The following PCDHGA1 variants were observed in gnomAD, a reference collection of about 807,000 sequenced individuals.
PCDHGA1 encodes protocadherin gamma-A1.
PCDHGA1 carries 32 observed loss-of-function variants against 58.0 expected under a neutral mutation model. The ratio of observed to expected loss-of-function variants is 0.55; its 90% CI spans 0.42 to 0.74. The LOEUF is 0.74. Among genes scored for constraint, PCDHGA1 ranks in the 30% least tolerant of loss-of-function variants. PCDHGA1 has a pLI of 0.00. For synonymous variants in PCDHGA1, 498 were observed against 501.1 expected, an observed-to-expected ratio of 0.99 and a Z score of 0.08; for missense variants, 1,205 against 1,182.3, an observed-to-expected ratio of 1.02 and a Z score of -0.28.
intron 1 of PCDHGA1, among the ~76,000 whole-genome samples, chr5:141,335,305 C>T (rs1335971340): frequency 6.6e-6 from 1 of 151,990 alleles, no homozygotes; most frequent in African/African-American, 2.4e-5. Flanking sequence ...TAATAATACA[C>T]GTGCTTAAAA....
intron 1 of PCDHGA1, chr5:141,342,754 C>G (rs1757205914): frequency 1.3e-5 from 2 of 152,272 alleles, no homozygotes; most frequent in Admixed American, 1.3e-4. Context: ...TGTAATGCAT[C>G]ATGATTGAAA....
At chr5:141,397,267 A>G (rs1411112086) in intron 1 of PCDHGA1, among the ~76,000 whole-genome samples, 1 of 152,230 alleles carries the variant, frequency 6.6e-6, no homozygotes, top group East Asian at 1.9e-4. Flanking sequence ...TCTTAGCTAC[A>G]TCATATGGGC....
chr5:141,337,554 T>G (rs774509116), intron 1 of PCDHGA1, among the ~76,000 whole-genome samples: 4 of 152,222 alleles, frequency 2.6e-5, no homozygotes. Flanking sequence ...TCCTCATATA[T>G]GAAGTTCCTA....
At chr5:141,349,071 A>T (rs1758229272) in intron 1 of PCDHGA1, among the ~76,000 whole-genome samples, 3 of 151,980 alleles carry the variant, frequency 2.0e-5, no homozygotes, top group African/African-American at 7.2e-5. Context: ...GAGAATTGGC[A>T]TTATAGAGAA....
At chr5:141,394,019 T>C in intron 1 of PCDHGA1, 1 of 1,613,522 alleles carries the variant, frequency 6.2e-7, no homozygotes, top group Non-Finnish European at 8.5e-7. Flanking sequence ...GTAATTATTA[T>C]AGATTAGTGA....
chr5:141,365,687 C>T, intron 1 of PCDHGA1: 1 of 1,613,530 alleles, frequency 6.2e-7, no homozygotes, highest in Non-Finnish European at 8.5e-7. Context: ...ACCCAATTTC[C>T]CTCAAGCCTC....
At chr5:141,422,515 AGCCCGC>A in intron 1 of PCDHGA1, 1 of 1,614,044 alleles carries the variant, frequency 6.2e-7, no homozygotes, top group Non-Finnish European at 8.5e-7. Flanking sequence ...AGACCAGGGA[AGCCCGC>A]CTTTGTCTGC....
At position 141,501,332 on chromosome 5, in the gene PCDHGA1, CA is replaced by C. The variant is rs1257793029; in HGVS notation, c.2481-4060del. 1.8e-3 allele frequency among the ~76,000 whole-genome samples: 265 copies of C among 149,784 alleles called. 1 individual carries two copies. The highest frequency in any genetic ancestry group is 5.2e-3 in the African/African-American group (209 of 40,512). On this transcript the variant is annotated intron_variant, in intron 2 of 3. Transcript: ENST00000517417. Reference sequence around the variant, plus strand: ...ACACACACACACACACACACACACACACCCCAAACTCAATAGGGCAAGAACC... The same window carrying C: ...ACACACACACACACACACACACACACCCCCAAACTCAATAGGGCAAGAACC...
intron 1 of PCDHGA1, chr5:141,404,669 A>G: frequency 1.9e-6 from 3 of 1,614,100 alleles, no homozygotes; most frequent in Non-Finnish European, 2.5e-6. Context: ...TGATGGTTCT[A>G]CTGGTGTGGA....
intron 1 of PCDHGA1, chr5:141,415,113 C>G: frequency 1.2e-6 from 2 of 1,613,642 alleles, no homozygotes; most frequent in Non-Finnish European, 1.7e-6. Context: ...AGCAAAGCCT[C>G]GTAGTGGCCG....
At chr5:141,408,148 G>C in intron 1 of PCDHGA1, 2 of 1,504,962 alleles carry the variant, frequency 1.3e-6, no homozygotes, top group Non-Finnish European at 1.8e-6. Context: ...TAGCGCGGTA[G>C]AGTGCACTTT....
intron 1 of PCDHGA1, chr5:141,403,224 A>G (rs753308307): frequency 2.0e-5 from 32 of 1,613,820 alleles, no homozygotes; most frequent in Non-Finnish European, 2.5e-5. Context: ...GGTAGGATAG[A>G]CCGGGAGGAG....
At chr5:141,346,625 C>T (rs548281079) in intron 1 of PCDHGA1, 17 of 1,025,228 alleles carry the variant, frequency 1.7e-5, no homozygotes, top group African/African-American at 9.7e-5. Context: ...CTGCACTCCC[C>T]GGTCTGGTTA....
In PCDHGA1 at chr5:141,345,674, G is replaced by T. The variant is rs2879225; in HGVS notation, c.2421+12569G>T. 4 of 1,614,140 alleles carry T rather than the reference G, an allele frequency of 2.5e-6. No homozygotes were observed. In the East Asian group the frequency reaches 6.7e-5, roughly 27 times the overall value. On this transcript the variant is annotated intron_variant, in intron 1 of 3. Coordinates refer to ENST00000517417, the MANE Select transcript of PCDHGA1 (RefSeq NM_018912.3). ...ACCCTCCACTCAGCAGCAACGTGTC[G>T]CTGAACCTGTTCGTGCTGGACCAGA...
At chr5:141,410,084 A>G in intron 1 of PCDHGA1, 3 of 1,612,532 alleles carry the variant, frequency 1.9e-6, no homozygotes, top group Non-Finnish European at 2.5e-6. Context: ...GGAGGTGCGC[A>G]CGGCTCGAGC....
chr5:141,494,153 G>T (rs2099752286), intron 1 of PCDHGA1, among the ~76,000 whole-genome samples: 1 of 152,186 alleles, frequency 6.6e-6, no homozygotes, highest in Non-Finnish European at 1.5e-5. Flanking sequence ...CCATTGTCTG[G>T]CACGGAGTTC....
At chr5:141,404,382 A>G (rs765708858) in intron 1 of PCDHGA1, 27 of 1,613,860 alleles carry the variant, frequency 1.7e-5, no homozygotes, top group South Asian at 1.2e-4. Context: ...GTGATTGCCT[A>G]TGACCCTGAT....
rs528244713 is a variant in PCDHGA1 at position 141,333,664 on chromosome 5, T to C, written c.2421+559T>C. The C allele has an allele frequency of 3.9e-5, 6 of 154,878 alleles. No individual in the cohort carries two copies. The East Asian group carries it at 1.1e-3, about 30-fold the overall frequency. 9.6% of individuals were successfully genotyped at this position (154,878 alleles called of 1,614,324 possible). A position where few individuals can be genotyped will look rare whatever the true frequency, so the allele number is the denominator to read the frequency against. ...CTATATAAACTGCAATTTTAAATTA[T>C]TGTTGAATATTTTAGCCTTTTATTC... is the stretch of plus-strand genomic sequence containing the variant. On this transcript the variant is annotated intron_variant, in intron 1 of 3. Transcript: ENST00000517417.
chr5:141,340,778 T>C, intron 1 of PCDHGA1: 2 of 1,613,492 alleles, frequency 1.2e-6, no homozygotes, highest in Middle Eastern at 1.7e-4. Context: ...CCAGAACGCC[T>C]GGCTGTCTTA....
Sources: allele counts gnomAD v4.1 joint callset (sites outside exome capture counted in the v4.1 genomes callset), GRCh38; gene constraint gnomAD v4.1.1; transcripts MANE v1.5; gene names NCBI Gene and HGNC (gene_info 2026-07-23, HGNC 2026-07-21).